Variants in EBF1 observed in about 807,000 individuals in gnomAD.
The protein encoded by EBF1 is transcription factor COE1.
EBF1 carries 10 observed loss-of-function variants against 68.4 expected under a neutral mutation model. The ratio of observed to expected loss-of-function variants is 0.15; its 90% confidence interval spans 0.09 to 0.25. The LOEUF is 0.25. EBF1 is among the 10% of genes least tolerant of loss of function. The pLI, the probability that EBF1 is intolerant of heterozygous loss-of-function variation, is 1.00. For synonymous variants in EBF1, 298 were observed against 299.8 expected (o/e 0.99, Z 0.06); for missense variants, 509 against 794.4 (o/e 0.64, Z 4.32).
chr5:159,020,129 G>T (rs1226306289), intron 6 of EBF1, among the ~76,000 whole-genome samples: 1 of 152,014 alleles, frequency 6.6e-6, no homozygotes, highest in Non-Finnish European at 1.5e-5. Flanking sequence ...CCTTTGCCAG[G>T]ATTCTAAGTG....
At chr5:158,765,523 C>T (rs781363826) in intron 10 of EBF1, among the ~76,000 whole-genome samples, 10 of 152,284 alleles carry the variant, frequency 6.6e-5, no homozygotes, top group Non-Finnish European at 8.8e-5. Context: ...ACCACCGAGG[C>T]TGATCCCAGG....
At chr5:158,712,551 C>G (rs1759634537) in intron 13 of EBF1, among the ~76,000 whole-genome samples, 1 of 152,136 alleles carries the variant, frequency 6.6e-6, no homozygotes, top group Non-Finnish European at 1.5e-5. Context: ...AAATACTTAG[C>G]AGGGCCGTGA....
At chr5:158,821,062 A>G (rs1259604048) in intron 8 of EBF1, among the ~76,000 whole-genome samples, 1 of 152,138 alleles carries the variant, frequency 6.6e-6, no homozygotes, top group Non-Finnish European at 1.5e-5. Context: ...GCCGAGGGGC[A>G]CCAGAGCGTG....
intron 5 of EBF1, among the ~76,000 whole-genome samples, chr5:159,078,479 G>A (rs540719098): frequency 1.3e-5 from 2 of 152,336 alleles, no homozygotes; most frequent in South Asian, 4.1e-4. Context: ...TCATTACTGT[G>A]TGACTGATGG....
At chr5:159,076,396 G>T (rs1778788009) in intron 5 of EBF1, among the ~76,000 whole-genome samples, 1 of 152,120 alleles carries the variant, frequency 6.6e-6, no homozygotes, top group Non-Finnish European at 1.5e-5. Context: ...CCTCCCCCAA[G>T]CATGCCACAC....
chr5:159,022,026 T>C (rs1012511115), intron 6 of EBF1, among the ~76,000 whole-genome samples: 9 of 126,016 alleles, frequency 7.1e-5, no homozygotes, highest in Non-Finnish European at 1.5e-4. Flanking sequence ...CTTAAGGGCA[T>C]AGCTTTAAAA....
At chr5:159,045,405 A>T (rs370433401) in intron 6 of EBF1, among the ~76,000 whole-genome samples, 1 of 149,390 alleles carries the variant, frequency 6.7e-6, no homozygotes, top group African/African-American at 2.5e-5. Context: ...CTCAAAATGA[A>T]TTTTTTTTTC....
chr5:158,723,584 C>T (rs573255918), intron 11 of EBF1, among the ~76,000 whole-genome samples: 8 of 152,076 alleles, frequency 5.3e-5, no homozygotes, highest in Non-Finnish European at 8.8e-5. Flanking sequence ...GCCTTGAGTG[C>T]TATGTTTGAG....
chr5:159,032,790 G>A (rs1259862895), intron 6 of EBF1, among the ~76,000 whole-genome samples: 1 of 152,118 alleles, frequency 6.6e-6, no homozygotes, highest in African/African-American at 2.4e-5. Context: ...TATATCCAAA[G>A]AATGTATTTT....
chr5:158,783,598 G>T (rs1776840933), intron 9 of EBF1, among the ~76,000 whole-genome samples: 1 of 152,214 alleles, frequency 6.6e-6, no homozygotes, highest in Non-Finnish European at 1.5e-5. Context: ...CAACACTTCT[G>T]CTCCCTCTAA....
intron 6 of EBF1, among the ~76,000 whole-genome samples, chr5:158,860,938 T>G (rs1655184186): frequency 6.6e-6 from 1 of 152,182 alleles, no homozygotes; most frequent in Non-Finnish European, 1.5e-5. Context: ...AGGACACACA[T>G]TCCAGAGCTG....
chr5:158,929,922 G>A (rs1035303791), intron 6 of EBF1, among the ~76,000 whole-genome samples: 1 of 152,114 alleles, frequency 6.6e-6, no homozygotes, highest in Non-Finnish European at 1.5e-5. Context: ...TTTGTTGTTT[G>A]TTCAATTCCC....
intron 6 of EBF1, among the ~76,000 whole-genome samples, chr5:158,951,864 C>T (rs577955751): frequency 1.3e-5 from 2 of 152,330 alleles, no homozygotes; most frequent in African/African-American, 4.8e-5. Flanking sequence ...GATGCAAACT[C>T]GCTGTCTTGC....
At chr5:158,876,085 G>A (rs1348648403) in intron 6 of EBF1, among the ~76,000 whole-genome samples, 2 of 152,100 alleles carry the variant, frequency 1.3e-5, no homozygotes, top group African/African-American at 4.8e-5. Flanking sequence ...AAAGTTTAGA[G>A]GCCAAAAAAC....
intron 12 of EBF1, 44 bp downstream of exon 12, chr5:158,714,073 T>C (rs931717615): frequency 1.9e-6 from 3 of 1,598,430 alleles, no homozygotes; most frequent in Non-Finnish European, 2.6e-6. Flanking sequence ...AGATCTTTAA[T>C]TGCATGTGGC....
At position 158,838,636 on chromosome 5, in the gene EBF1, G is replaced by T. The variant is rs1483361716; in HGVS notation, c.636+1393C>A. ...CACCTCCTTAAAAGAAATCATCTTGGAGACTAAGAGATATTGACATCTCCA... is the reference window on the plus strand; with the variant it reads ...CACCTCCTTAAAAGAAATCATCTTGTAGACTAAGAGATATTGACATCTCCA... On this transcript the variant is annotated intron_variant, in intron 7 of 15. Transcript: ENST00000313708. Among the ~76,000 whole-genome samples the T allele has an allele frequency of 2.0e-5, 3 of 152,032 alleles. No homozygotes were observed. The East Asian group carries it at 5.8e-4, about 29-fold the overall frequency.
intron 6 of EBF1, among the ~76,000 whole-genome samples, chr5:158,963,257 G>A (rs1048425350): frequency 2.0e-5 from 3 of 152,074 alleles, no homozygotes; most frequent in Non-Finnish European, 4.4e-5. Flanking sequence ...CTACACACTA[G>A]AGTCTTAAAA....
chr5:158,874,435 C>G (rs1243650876), intron 6 of EBF1, among the ~76,000 whole-genome samples: 1 of 152,164 alleles, frequency 6.6e-6, no homozygotes, highest in Admixed American at 6.5e-5. Flanking sequence ...GAGAAACTGT[C>G]ACACAAGTGA....
chr5:158,807,919 A>G (rs543658617), intron 8 of EBF1, among the ~76,000 whole-genome samples: 1 of 152,274 alleles, frequency 6.6e-6, no homozygotes, highest in East Asian at 1.9e-4. Context: ...CCCAACCTTT[A>G]ATAATGCACA....
Sources: gnomAD v4.1 joint callset for allele counts (sites outside exome capture counted in the v4.1 genomes callset) on GRCh38, gnomAD v4.1.1 for gene constraint, MANE v1.5 for transcripts, NCBI Gene and HGNC (gene_info 2026-07-23, HGNC 2026-07-21) for gene names.